TPX2: variants seen among roughly 807,000 people sequenced by gnomAD.
TPX2 encodes TPX2 microtubule nucleation factor, also known as targeting protein for Xklp2.
A neutral mutation model predicts 93.6 loss-of-function variants in TPX2; 21 were observed. The observed-to-expected ratio is 0.22, with a 90% CI of 0.16 to 0.32. The LOEUF (loss-of-function observed/expected upper bound fraction) is 0.32, where lower values mean the gene tolerates loss of function less well. TPX2 is among the 10% of genes least tolerant of loss of function. TPX2 has a pLI of 1.00. For synonymous variants in TPX2, 281 were observed against 298.3 expected, an observed-to-expected ratio of 0.94 and a Z score of 0.60; for missense variants, 776 against 871.1, an observed-to-expected ratio of 0.89 and a Z score of 1.37.
chr20:31,783,526 C>A (rs997571177), intron 11 of TPX2, among the ~76,000 whole-genome samples, 179 bp from the exon 12 acceptor site: 1 of 152,130 alleles, frequency 6.6e-6, no homozygotes, highest in Admixed American at 6.5e-5. Flanking sequence ...GCTGGGATTA[C>A]GGGCATGAGC....
intron 3 of TPX2, among the ~76,000 whole-genome samples, chr20:31,759,660 A>G (rs556600516): frequency 1.3e-5 from 2 of 152,104 alleles, no homozygotes; most frequent in Admixed American, 1.3e-4. Context: ...GGCCTCCCAA[A>G]GTGCTGGGAT....
At position 31,786,629 on chromosome 20, in the gene TPX2, C is replaced by T. The variant is rs140308088; in HGVS notation, c.1413+2708C>T. On this transcript the variant is annotated intron_variant, in intron 12 of 17. Coordinates refer to ENST00000300403, the MANE Select transcript of TPX2 (RefSeq NM_012112.5). ...ATGTTGCCCAGGCTGGTCTTGAGCT[C>T]GTGGTCTCAAGCAATCCACCTGCCT... Among the ~76,000 whole-genome samples, 391 of 152,240 alleles carry T rather than the reference C, an allele frequency of 2.6e-3. 3 individuals are homozygous for T. The highest frequency in any genetic ancestry group is 0.014 in the Middle Eastern group (4 of 294).
chr20:31,784,886 C>T (rs543782136), intron 12 of TPX2, among the ~76,000 whole-genome samples: 35 of 152,246 alleles, frequency 2.3e-4, no homozygotes, highest in South Asian at 8.3e-4. Flanking sequence ...CCTCACCCGC[C>T]GCCACTGGTT....
intron 12 of TPX2, among the ~76,000 whole-genome samples, chr20:31,785,021 TTGAC>T (rs2062056913): frequency 6.6e-6 from 1 of 152,178 alleles, no homozygotes; most frequent in Admixed American, 6.5e-5. Context: ...TGTATTACCT[TTGAC>T]TGAGTACCTA....
At position 31,766,663 on chromosome 20, in the gene TPX2, A is replaced by G; in HGVS notation, c.337A>G (p.Thr113Ala). ...AGTTGAGGCAGCCATATCAAGAAAA[A>G]CTCCAGCCCAGCCTCAGAGGTAAGA... is the stretch of plus-strand genomic sequence containing the variant. ...LEVEAAISRKTPAQPQRRSLR... is the reference protein window; with the variant it reads ...LEVEAAISRKAPAQPQRRSLR... The change falls in exon 5 of 18, where the codon ACT becomes GCT. Residue 113 changes from threonine (T) to alanine (A), a missense_variant. By Grantham distance (58) the Thr-to-Ala change is moderately conservative (BLOSUM62 0). This residue lies in a region of TPX2 where 279 missense variants were observed against 261.6 expected (regional missense o/e 1.07). Coordinates refer to ENST00000300403, the MANE Select transcript of TPX2 (RefSeq NM_012112.5). 6.2e-7 allele frequency: 1 copy of G among 1,610,818 alleles called. No homozygotes were observed. Among genetic ancestry groups the G allele is most frequent in the Non-Finnish European group, 8.5e-7 (1 of 1,178,964 alleles).
chr20:31,799,897 CAAAAAAAAAAAAA>C (rs533016889), intron 17 of TPX2, among the ~76,000 whole-genome samples: 9 of 63,988 alleles, frequency 1.4e-4, no homozygotes, highest in Non-Finnish European at 2.3e-4. Context: ...GAGACTGTCT[CAAAAAAAAAAAAA>C]AAAAAAAAAA....
chr20:31,780,934 T>C (rs1277776102), intron 10 of TPX2: 1 of 410,342 alleles, frequency 2.4e-6, no homozygotes, highest in East Asian at 8.7e-5. Context: ...TGTTTTGCTT[T>C]TTAGAGACAG....
In TPX2 at chr20:31,801,190, C is replaced by G. The variant is rs2062169727; in HGVS notation, c.*110C>G. ...CATGGAGAGAACCCATTTCTCCAGA[C>G]TTTTACCTACCCGTGCCTGAGAAAG... On this transcript the variant is annotated 3_prime_UTR_variant, in exon 18 of 18. Transcript: ENST00000300403. 3.3e-6 allele frequency: 3 copies of G among 901,970 alleles called. No homozygotes were observed. Among genetic ancestry groups the G allele is most frequent in the Admixed American group, 2.2e-5 (1 of 45,914 alleles). 55.9% of individuals were successfully genotyped at this position (901,970 alleles called of 1,614,324 possible).
At position 31,770,577 on chromosome 20, in the gene TPX2, T is replaced by C. The variant is rs1016897703; in HGVS notation, c.485+106T>C. The C allele has an allele frequency of 1.9e-5, 21 of 1,077,328 alleles. No individual in the cohort carries two copies. In the African/African-American group the frequency reaches 3.4e-4, roughly 18 times the overall value. The allele number at this position is 1,077,328 out of a possible 1,614,324, so 66.7% of individuals were successfully genotyped here. On this transcript the variant is annotated intron_variant, in intron 6 of 17. Transcript: ENST00000300403. ...ACACTTTAGATTGAATAGATTAAAATTAAAAATGGTACATCTGTAATATGT... is the reference window on the plus strand; with the variant it reads ...ACACTTTAGATTGAATAGATTAAAACTAAAAATGGTACATCTGTAATATGT...
At chr20:31,758,307 A>T (rs2061864391) in intron 3 of TPX2, among the ~76,000 whole-genome samples, 2 of 151,808 alleles carry the variant, frequency 1.3e-5, no homozygotes, top group Non-Finnish European at 2.9e-5. Flanking sequence ...TTTAGTAGAG[A>T]CAGTGTTTTG....
At chr20:31,741,999 CTG>C (rs993196581) in intron 1 of TPX2, among the ~76,000 whole-genome samples, 1 of 152,054 alleles carries the variant, frequency 6.6e-6, no homozygotes, top group Non-Finnish European at 1.5e-5. Context: ...CCAAGGTACT[CTG>C]TGAAAAAAGG....
chr20:31,798,733 G>A (rs550805177), intron 17 of TPX2, among the ~76,000 whole-genome samples, 181 bp downstream of exon 17: 2 of 152,280 alleles, frequency 1.3e-5, no homozygotes, highest in South Asian at 4.1e-4. Context: ...TGAAGCTAAC[G>A]ATGTGTACAT....
chr20:31,793,995 A>G lies in TPX2; in HGVS notation c.1657A>G (p.Lys553Glu), dbSNP rs371398626. 13 of 1,612,518 alleles carry G rather than the reference A, an allele frequency of 8.1e-6. No individual in the cohort carries two copies. The highest frequency in any genetic ancestry group is 1.0e-5 in the Non-Finnish European group (12 of 1,179,588). ...RDKERQLQKE[K>E]KIKELQKGEV... ...CAAAGAACGTCAGTTACAGAAGGAG[A>G]AGAAAATAAAAGAACTGCAGAAAGG... Residue 553 changes from lysine to glutamate, a missense_variant, in exon 14 of 18, where the codon AAG (lysine) becomes GAG (glutamate). Physicochemically the swap from Lys to Glu is moderately conservative, Grantham distance 56. Around this residue, in one of 3 missense-constraint regions of TPX2, gnomAD observed 461 missense variants for 551.2 expected, o/e 0.84. Coordinates refer to ENST00000300403, the MANE Select transcript of TPX2 (RefSeq NM_012112.5).
At chr20:31,751,405 G>T (rs1039584039) in intron 2 of TPX2, among the ~76,000 whole-genome samples, 5 of 152,016 alleles carry the variant, frequency 3.3e-5, no homozygotes, top group African/African-American at 1.2e-4. Flanking sequence ...ATGTCTTCTA[G>T]CATATTTGTT....
At chr20:31,766,416 A>C in intron 4 of TPX2, 140 bp from the exon 5 acceptor site, 1 of 920,902 alleles carries the variant, frequency 1.1e-6, no homozygotes, top group African/African-American at 1.7e-5. Flanking sequence ...CTTCTGTATA[A>C]GATTTAACTG....
intron 6 of TPX2, 133 bp downstream of exon 6, chr20:31,770,604 T>C: frequency 1.1e-6 from 1 of 869,652 alleles, no homozygotes; most frequent in Non-Finnish European, 1.6e-6. Context: ...GTAATATGTT[T>C]GGTGTACCTC....
At chr20:31,792,877 G>C in intron 13 of TPX2, 47 bp downstream of exon 13, 2 of 1,520,276 alleles carry the variant, frequency 1.3e-6, no homozygotes, top group African/African-American at 2.7e-5. Context: ...TATATAGTCA[G>C]TCAATCTAAG....
rs1600386637 is a variant in TPX2 at position 31,784,005 on chromosome 20, A to C, written c.1413+84A>C. Reference sequence around the variant, plus strand: ...CATTCACACAAAAGTTTGGGTAGATATTATGAGCAGGGCATCATATTAGGA... The same window carrying C: ...CATTCACACAAAAGTTTGGGTAGATCTTATGAGCAGGGCATCATATTAGGA... On this transcript the variant is annotated intron_variant, in intron 12 of 17. Coordinates refer to ENST00000300403, the MANE Select transcript of TPX2 (RefSeq NM_012112.5). The C allele has an allele frequency of 6.3e-6, 9 of 1,435,854 alleles. No homozygotes were observed. In the South Asian group the frequency reaches 1.1e-4, roughly 17 times the overall value. The allele number at this position is 1,435,854 out of a possible 1,614,324, so 88.9% of individuals were successfully genotyped here.
chr20:31,784,208 G>C (rs1340286346), intron 12 of TPX2, among the ~76,000 whole-genome samples: 1 of 152,242 alleles, frequency 6.6e-6, no homozygotes, highest in Non-Finnish European at 1.5e-5. Flanking sequence ...AGAAAGTTCA[G>C]GGTGTGCTTT....
Sources: allele counts gnomAD v4.1 joint callset (sites outside exome capture counted in the v4.1 genomes callset), GRCh38; gene constraint gnomAD v4.1.1; regional missense constraint gnomAD v4.1.1; transcripts MANE v1.5; gene names NCBI Gene and HGNC (gene_info 2026-07-23, HGNC 2026-07-21).